The following PRMT2 variants were observed in gnomAD, a reference collection of about 807,000 sequenced individuals.
PRMT2 encodes protein arginine methyltransferase 2, also known as protein arginine N-methyltransferase 2.
Under a neutral mutation model 57.6 loss-of-function variants are expected in PRMT2, and 26 were observed. That is an observed-to-expected ratio of 0.45 (90% CI 0.33 to 0.63). The LOEUF (loss-of-function observed/expected upper bound fraction) is 0.63. Among genes scored for constraint, PRMT2 ranks in the 20% least tolerant of loss-of-function variants. The pLI is 0.02. For synonymous variants in PRMT2, 219 were observed against 220.0 expected, an observed-to-expected ratio of 1.00 and a Z score of 0.04; for missense variants, 472 against 564.4, an observed-to-expected ratio of 0.84 and a Z score of 1.66.
Position 46,662,622 on chromosome 21 carries a change from A to AG in PRMT2, c.1097+691dup, listed in dbSNP as rs532770183. 9.1e-4 allele frequency among the ~76,000 whole-genome samples: 138 copies of AG among 151,988 alleles called. 1 individual carries two copies. The highest frequency in any genetic ancestry group is 3.0e-3 in the African/African-American group (123 of 41,468). ...CCCATCCCCGAGTCTGGGGGCGTGG[A>AG]GGGGGCAGTGACCTGGGGCACAGGC... On this transcript the variant is annotated intron_variant, in intron 10 of 11. Transcript: ENST00000355680.
intron 7 of PRMT2, among the ~76,000 whole-genome samples, chr21:46,654,319 C>T (rs923969930): frequency 5.3e-5 from 8 of 152,078 alleles, no homozygotes; most frequent in Admixed American, 2.0e-4. Context: ...TGACATGTTG[C>T]TAGTTTTTAA....
Position 46,646,907 on chromosome 21 carries a change from G to A in PRMT2, c.328-1551G>A, listed in dbSNP as rs575158806. Reference sequence around the variant, plus strand: ...TGGAGGCTGGGAAGGCATTGGCATTGGTGTCCAAGATGGCGCCTCATGGCT... The same window carrying A: ...TGGAGGCTGGGAAGGCATTGGCATTAGTGTCCAAGATGGCGCCTCATGGCT... On this transcript the variant is annotated intron_variant, in intron 5 of 11. Transcript: ENST00000355680. 1.4e-4 allele frequency among the ~76,000 whole-genome samples: 22 copies of A among 152,340 alleles called. 1 individual carries two copies. The Middle Eastern group carries it at 0.01, about 71-fold the overall frequency.
chr21:46,646,719 G>GGT (rs150283485), intron 5 of PRMT2, among the ~76,000 whole-genome samples: 14 of 151,962 alleles, frequency 9.2e-5, no homozygotes, highest in African/African-American at 3.4e-4. Context: ...ATTCCTACGG[G>GGT]GTGTGTGTGT....
chr21:46,646,716 C>T (rs192326834), intron 5 of PRMT2, among the ~76,000 whole-genome samples: 28 of 152,248 alleles, frequency 1.8e-4, no homozygotes, highest in African/African-American at 2.9e-4. Flanking sequence ...TAAATTCCTA[C>T]GGGGTGTGTG....
Position 46,648,592 on chromosome 21 carries a change from C to T in PRMT2, c.462C>T (p.Phe154=), listed in dbSNP as rs748532696. 2 of 1,614,210 alleles carry T rather than the reference C, an allele frequency of 1.2e-6. No individual in the cohort carries two copies. The change falls in exon 6 of 12, where the codon TTC becomes TTT. Residue 154 remains phenylalanine, a synonymous_variant. Coordinates refer to ENST00000355680, the MANE Select transcript of PRMT2 (RefSeq NM_206962.4). This position sits in a 1 kb window ranked among gnomAD's most constrained non-coding sequence, Gnocchi z 4.8. The part of the protein sequence containing the change: ...VGCGTGIISL[F]CAHYARPRAV... ...GTGGGACTGGGATCATCAGTCTCTTCTGTGCACACTATGCGCGGCCTAGAG... is the reference window on the plus strand; with the variant it reads ...GTGGGACTGGGATCATCAGTCTCTTTTGTGCACACTATGCGCGGCCTAGAG...
At chr21:46,659,242 T>C (rs552695349) in intron 8 of PRMT2, 34 of 1,069,936 alleles carry the variant, frequency 3.2e-5, no homozygotes, top group Non-Finnish European at 3.6e-5. Flanking sequence ...TCTCACGCCA[T>C]ACGTGAAAAC....
intron 8 of PRMT2, chr21:46,659,982 TAAA>T (rs2149000431): frequency 1.0e-6 from 1 of 983,526 alleles, no homozygotes; most frequent in South Asian, 4.7e-5. Context: ...GTCTGGGGGA[TAAA>T]AATAAGTATA....
Position 46,664,347 on chromosome 21 carries a change from A to G in PRMT2, c.*20A>G. 1.9e-6 allele frequency: 3 copies of G among 1,614,106 alleles called. No homozygotes were observed. The South Asian group carries it at 3.3e-5, about 18-fold the overall frequency. On this transcript the variant is annotated 3_prime_UTR_variant, in exon 12 of 12. Transcript: ENST00000355680. Reference sequence around the variant, plus strand: ...AGATGACAGTTGATGCTTTATTTGGAAAGCAGTGTGCATATCTTGAGGGGT... The same window carrying G: ...AGATGACAGTTGATGCTTTATTTGGGAAGCAGTGTGCATATCTTGAGGGGT...
chr21:46,660,658 G>A (rs1388594066), intron 8 of PRMT2, among the ~76,000 whole-genome samples, 175 bp from the exon 9 acceptor site: 1 of 152,100 alleles, frequency 6.6e-6, no homozygotes, highest in Non-Finnish European at 1.5e-5. Flanking sequence ...CAGAGCGGGA[G>A]GCACCCAGGG....
chr21:46,643,026 CAAAAAAAAAAAAA>C, intron 3 of PRMT2, among the ~76,000 whole-genome samples: 1 of 146,326 alleles, frequency 6.8e-6, no homozygotes, highest in East Asian at 2.0e-4. Context: ...GACTCTGTCT[CAAAAAAAAAAAAA>C]AAAAAAAAAT....
At chr21:46,647,882 A>G (rs2061389081) in intron 5 of PRMT2, among the ~76,000 whole-genome samples, 1 of 151,858 alleles carries the variant, frequency 6.6e-6, no homozygotes, top group Non-Finnish European at 1.5e-5. Flanking sequence ...CTGTTGTTTC[A>G]CTGGTCTGTT....
intron 5 of PRMT2, among the ~76,000 whole-genome samples, chr21:46,644,725 G>A (rs1222561089): frequency 1.3e-5 from 2 of 152,034 alleles, no homozygotes; most frequent in Non-Finnish European, 2.9e-5. Flanking sequence ...ATACTGTACA[G>A]TTTTCATGTG....
At position 46,644,491 on chromosome 21, in the gene PRMT2, A is replaced by T. The variant is rs775047412; in HGVS notation, c.327+3A>T. 1.3e-6 allele frequency: 2 copies of T among 1,568,988 alleles called. No individual in the cohort carries two copies. The highest frequency in any genetic ancestry group is 2.4e-5 in the South Asian group (2 of 84,684). On this transcript the variant is annotated splice_donor_region_variant and intron_variant, in intron 5 of 11. Transcript: ENST00000355680. Reference sequence around the variant, plus strand: ...ACTTCGGCAGCTATGGAACTCTGGTATTGCTTTCTAAATTCCCTGTTCAGC... The same window carrying T: ...ACTTCGGCAGCTATGGAACTCTGGTTTTGCTTTCTAAATTCCCTGTTCAGC...
intron 4 of PRMT2, 151 bp from the exon 5 acceptor site, chr21:46,644,155 A>T (rs2061326105): frequency 1.4e-6 from 1 of 718,120 alleles, no homozygotes; most frequent in Non-Finnish European, 2.2e-6. Context: ...TCATGGTGTC[A>T]CTTGCAAACA....
At chr21:46,640,524 C>G (rs1484844417) in intron 3 of PRMT2, among the ~76,000 whole-genome samples, 2 of 149,762 alleles carry the variant, frequency 1.3e-5, no homozygotes, top group East Asian at 3.9e-4. Flanking sequence ...TCACTGCAAG[C>G]TCCGCCTCCT....
intron 7 of PRMT2, chr21:46,652,997 C>G (rs995586740): frequency 8.3e-6 from 10 of 1,203,622 alleles, no homozygotes; most frequent in African/African-American, 1.6e-5. Flanking sequence ...CACTGAGGAT[C>G]TCCATTGCAC....
At chr21:46,652,312 C>A in intron 7 of PRMT2, 1 of 1,242,632 alleles carries the variant, frequency 8.0e-7, no homozygotes, top group Non-Finnish European at 1.0e-6. Context: ...AAATACTTGA[C>A]AAAAAATTCC....
chr21:46,650,143 C>T (rs1283434956), intron 7 of PRMT2, among the ~76,000 whole-genome samples: 1 of 152,216 alleles, frequency 6.6e-6, no homozygotes, highest in Admixed American at 6.5e-5. Flanking sequence ...GTAGGGCCAG[C>T]ATATGCCTGT....
rs775199653 is a variant in PRMT2, at chr21:46,649,649, C to A, written c.564C>A (p.Ile188=). The change falls in exon 7 of 12, where the codon ATC becomes ATA. Residue 188 remains isoleucine (I), a synonymous_variant. Coordinates refer to ENST00000355680, the MANE Select transcript of PRMT2 (RefSeq NM_206962.4). The surrounding 1 kb of genome is among the most constrained non-coding windows in gnomAD (Gnocchi z 4.8). ...TCCTGCAGAACGGCTTTGCTGACAT[C>A]ATCACCGTGTACCAGCAGAAGGTGG... ...QLVLQNGFAD[I]ITVYQQKVED... is the part of the protein sequence containing the mutation. 2 of 1,614,142 alleles carry A rather than the reference C, an allele frequency of 1.2e-6. No individual in the cohort carries two copies. The highest frequency in any genetic ancestry group is 1.7e-5 in the Admixed American group (1 of 60,030).
Sources: gnomAD v4.1 joint callset for allele counts (sites outside exome capture counted in the v4.1 genomes callset) on GRCh38, gnomAD v4.1.1 for gene constraint, Gnocchi (gnomAD v3.1) non-coding constraint, MANE v1.5 for transcripts, NCBI Gene and HGNC (gene_info 2026-07-23, HGNC 2026-07-21) for gene names.